The following TMEM184B variants were observed in gnomAD, a reference collection of about 807,000 sequenced individuals.
The protein encoded by TMEM184B is transmembrane protein 184B, also known as putative MAPK-activating protein FM08.
TMEM184B carries 17 observed loss-of-function variants against 41.8 expected under a neutral mutation model. The observed-to-expected ratio is 0.41, with a 90% CI of 0.28 to 0.61. The LOEUF (loss-of-function observed/expected upper bound fraction) is 0.61, where lower values mean the gene tolerates loss of function less well. TMEM184B is among the 20% of genes least tolerant of loss of function. The pLI is 0.34. For synonymous variants in TMEM184B, 240 were observed against 229.5 expected (o/e 1.05, Z -0.41); for missense variants, 393 against 557.8 (o/e 0.70, Z 2.98).
rs1432217064 is a variant in TMEM184B, at chr22:38,225,333, C to T, written c.787+91G>A. On this transcript the variant is annotated intron_variant, in intron 7 of 8. Transcript: ENST00000361906. The surrounding 1 kb of genome is among the most constrained non-coding windows in gnomAD (Gnocchi z 4.4). Reference sequence around the variant, plus strand: ...CTGAGGCCCCTCTGAACAGGCCCTACAGGCACCAGGGACCATAAGCAGAAG... The same window carrying T: ...CTGAGGCCCCTCTGAACAGGCCCTATAGGCACCAGGGACCATAAGCAGAAG... The T allele has an allele frequency of 2.8e-6, 4 of 1,450,348 alleles. No individual in the cohort carries two copies. The highest frequency in any genetic ancestry group is 2.9e-5 in the African/African-American group (2 of 69,610). 89.8% of individuals were successfully genotyped at this position (1,450,348 alleles called of 1,614,324 possible).
At chr22:38,253,292 G>A (rs2092210176) in intron 1 of TMEM184B, among the ~76,000 whole-genome samples, 1 of 151,974 alleles carries the variant, frequency 6.6e-6, no homozygotes, top group African/African-American at 2.4e-5. Context: ...AACATTGGTT[G>A]GGTGCGGTGG....
intron 1 of TMEM184B, among the ~76,000 whole-genome samples, chr22:38,270,647 C>T (rs1220850781): frequency 6.6e-6 from 1 of 152,188 alleles, no homozygotes; most frequent in Non-Finnish European, 1.5e-5. Context: ...GCAGACCCCA[C>T]ACAGAGCTCT....
At chr22:38,217,206 C>G (rs1160288886), downstream of TMEM184B, among the ~76,000 whole-genome samples, 1 of 151,676 alleles carries the variant, frequency 6.6e-6, no homozygotes, top group Non-Finnish European at 1.5e-5. Context: ...AAACATGGCC[C>G]GGGTGCGGTG....
At chr22:38,254,317 G>GAGA in intron 1 of TMEM184B, among the ~76,000 whole-genome samples, 1 of 151,732 alleles carries the variant, frequency 6.6e-6, no homozygotes, top group South Asian at 2.1e-4. Context: ...CAGCAAATAA[G>GAGA]TACATGGCGC....
intron 5 of TMEM184B, among the ~76,000 whole-genome samples, chr22:38,228,052 C>T (rs1421488422): frequency 2.0e-5 from 3 of 152,154 alleles, no homozygotes; most frequent in African/African-American, 7.2e-5. Flanking sequence ...ATCCGTGAAA[C>T]CTGCAGCTTC....
Position 38,221,253 on chromosome 22 carries a change from T to C in TMEM184B, c.*216A>G. 2 of 1,418,130 alleles carry C rather than the reference T, an allele frequency of 1.4e-6. No individual in the cohort carries two copies. Among genetic ancestry groups the C allele is most frequent in the Non-Finnish European group, 1.8e-6 (2 of 1,090,498 alleles). The allele number at this position is 1,418,130 out of a possible 1,614,324, so 87.8% of individuals were successfully genotyped here. ...GTGTCCTCTGCCCTCGCCCGGGCAG[T>C]GCAGGCTGGGCCATGTATAAATATT... is the stretch of plus-strand genomic sequence containing the variant. On this transcript the variant is annotated 3_prime_UTR_variant, in exon 9 of 9. Coordinates refer to ENST00000361906, the MANE Select transcript of TMEM184B (RefSeq NM_012264.5).
intron 2 of TMEM184B, chr22:38,246,991 T>G: frequency 1.6e-6 from 1 of 633,348 alleles, no homozygotes; most frequent in Admixed American, 3.3e-5. Flanking sequence ...GGCAAGGGGC[T>G]GACTAGGGAA....
chr22:38,259,497 C>A (rs76285716), intron 1 of TMEM184B, among the ~76,000 whole-genome samples: 1 of 152,150 alleles, frequency 6.6e-6, no homozygotes, highest in South Asian at 2.1e-4. Flanking sequence ...AAGAGGGCAG[C>A]GTGACAAAGG....
chr22:38,271,855 A>G (rs1372264804), intron 1 of TMEM184B, among the ~76,000 whole-genome samples: 1 of 152,194 alleles, frequency 6.6e-6, no homozygotes, highest in African/African-American at 2.4e-5. Context: ...AGGAAGCTAA[A>G]TAGGTAGATG....
At chr22:38,241,883 C>CAAAAAAAAAAAAAAAAAAAAAAAAA (rs34060428) in intron 3 of TMEM184B, among the ~76,000 whole-genome samples, 2 of 32,612 alleles carry the variant, frequency 6.1e-5, no homozygotes, top group Admixed American at 4.2e-4. Flanking sequence ...GACTCCGTCT[C>CAAAAAAAAAAAAAAAAAAAAAAAAA]AAAAAAAAAA....
At position 38,225,302 on chromosome 22, in the gene TMEM184B, A is replaced by C; in HGVS notation, c.787+122T>G. The C allele has an allele frequency of 2.3e-6, 3 of 1,278,250 alleles. No homozygotes were observed. Among genetic ancestry groups the C allele is most frequent in the Non-Finnish European group, 3.2e-6 (3 of 938,802 alleles). 79.2% of individuals were successfully genotyped at this position (1,278,250 alleles called of 1,614,324 possible). On this transcript the variant is annotated intron_variant, in intron 7 of 8. Coordinates refer to ENST00000361906, the MANE Select transcript of TMEM184B (RefSeq NM_012264.5). This position sits in a 1 kb window ranked among gnomAD's most constrained non-coding sequence, Gnocchi z 4.4. ...CAGATTTCACCCCCAGCAAGTGCCC[A>C]GTGGGCTGAGGCCCCTCTGAACAGG...
chr22:38,234,292 G>C (rs556248297), intron 3 of TMEM184B, among the ~76,000 whole-genome samples: 1 of 152,110 alleles, frequency 6.6e-6, no homozygotes, highest in Non-Finnish European at 1.5e-5. Flanking sequence ...GGGGAAGCAC[G>C]AGCTAGCCTT....
intron 2 of TMEM184B, chr22:38,247,027 T>G: frequency 2.5e-6 from 1 of 396,218 alleles, no homozygotes; most frequent in South Asian, 2.2e-5. Context: ...CCTGCCCCTC[T>G]CCACTGGACC....
chr22:38,257,443 G>A (rs182520841), intron 1 of TMEM184B, among the ~76,000 whole-genome samples: 2 of 152,212 alleles, frequency 1.3e-5, no homozygotes, highest in African/African-American at 4.8e-5. Flanking sequence ...CGTCTGCTCC[G>A]TGTGCAGCTT....
At chr22:38,272,511 G>A (rs1464054446) in intron 1 of TMEM184B, 4 of 985,626 alleles carry the variant, frequency 4.1e-6, no homozygotes, top group East Asian at 1.1e-4. Context: ...GGCCGTGCCA[G>A]TCGCCAGCAC....
chr22:38,235,084 A>G (rs960477099), intron 3 of TMEM184B, among the ~76,000 whole-genome samples: 1 of 152,204 alleles, frequency 6.6e-6, no homozygotes, highest in African/African-American at 2.4e-5. Context: ...CCTGGCAGCT[A>G]CAAACATGTC....
intron 1 of TMEM184B, among the ~76,000 whole-genome samples, chr22:38,251,896 G>GTT (rs561046707): frequency 0.015 from 2,139 of 141,652 alleles, 71 homozygotes; most frequent in African/African-American, 0.052. Context: ...AGATGATGCT[G>GTT]TTTTTTTTTT....
intron 1 of TMEM184B, among the ~76,000 whole-genome samples, chr22:38,266,042 A>AG (rs1366076902): frequency 6.6e-6 from 1 of 152,192 alleles, no homozygotes; most frequent in Non-Finnish European, 1.5e-5. Context: ...CCCTTGGAGT[A>AG]GGGGGGCTGT....
At chr22:38,262,161 G>A (rs577747817) in intron 1 of TMEM184B, among the ~76,000 whole-genome samples, 9 of 152,362 alleles carry the variant, frequency 5.9e-5, no homozygotes, top group African/African-American at 4.8e-5. Context: ...CGAGGAGTCC[G>A]TTCTGTACAC....
Sources: gnomAD v4.1 joint callset for allele counts (sites outside exome capture counted in the v4.1 genomes callset) on GRCh38, gnomAD v4.1.1 for gene constraint, Gnocchi (gnomAD v3.1) non-coding constraint, MANE v1.5 for transcripts, NCBI Gene and HGNC (gene_info 2026-07-23, HGNC 2026-07-21) for gene names.